The following CSMD1 variants were observed in gnomAD, a reference collection of about 807,000 sequenced individuals.
CSMD1 encodes the protein CUB and sushi domain-containing protein 1.
A neutral mutation model predicts 417.5 loss-of-function variants in CSMD1; 213 were observed. The observed-to-expected ratio is 0.51, with a 90% CI of 0.46 to 0.57. The LOEUF (loss-of-function observed/expected upper bound fraction) is 0.57, where lower values mean the gene tolerates loss of function less well. CSMD1 is among the 20% of genes least tolerant of loss of function. The pLI, the probability that CSMD1 is intolerant of heterozygous loss-of-function variation, is 0.00. For synonymous variants in CSMD1, 2,862 were observed against 1,736.8 expected (o/e 1.65, Z -16.11); for missense variants, 6,923 against 4,529.7 (o/e 1.53, Z -15.17).
At position 3,546,878 on chromosome 8, in the gene CSMD1, C is replaced by G. The variant is rs183209660; in HGVS notation, c.1344+28067G>C. Among the ~76,000 whole-genome samples, 4 of 152,260 alleles carry G rather than the reference C, an allele frequency of 2.6e-5. No individual in the cohort carries two copies. The East Asian group carries it at 7.7e-4, about 29-fold the overall frequency. On this transcript the variant is annotated intron_variant, in intron 10 of 69. Coordinates refer to ENST00000635120, the MANE Select transcript of CSMD1 (RefSeq NM_033225.6). ...GTGAAATATTGGAAAAACGATGTTG[C>G]AAGGGAAACTGTGAAAATGTTTCCA...
intron 2 of CSMD1, among the ~76,000 whole-genome samples, chr8:4,621,701 G>C (rs1444839948): frequency 2.6e-5 from 4 of 151,900 alleles, no homozygotes; most frequent in Non-Finnish European, 4.4e-5. Context: ...CTCCTGTACA[G>C]TGAAATCTTA....
At chr8:4,185,943 G>C (rs868099751) in intron 3 of CSMD1, among the ~76,000 whole-genome samples, 1 of 152,130 alleles carries the variant, frequency 6.6e-6, no homozygotes. Flanking sequence ...AATACTTTCA[G>C]CTTAAGGTCT....
At chr8:3,129,287 A>C (rs1025921111) in intron 41 of CSMD1, among the ~76,000 whole-genome samples, 1 of 152,194 alleles carries the variant, frequency 6.6e-6, no homozygotes, top group African/African-American at 2.4e-5. Flanking sequence ...GTAAATATTA[A>C]ATATTTTGTG....
At chr8:3,715,868 C>T (rs549306592) in intron 6 of CSMD1, among the ~76,000 whole-genome samples, 3 of 152,144 alleles carry the variant, frequency 2.0e-5, no homozygotes, top group African/African-American at 2.4e-5. Context: ...AAAAGGCACA[C>T]GGCCTGCAGA....
At chr8:4,105,420 C>T (rs1315116305) in intron 3 of CSMD1, among the ~76,000 whole-genome samples, 1 of 151,990 alleles carries the variant, frequency 6.6e-6, no homozygotes, top group South Asian at 2.1e-4. Context: ...TAGGAAAGAG[C>T]ATGGACACTG....
intron 1 of CSMD1, among the ~76,000 whole-genome samples, chr8:4,848,690 C>T (rs1801290298): frequency 1.3e-5 from 2 of 152,088 alleles, no homozygotes; most frequent in African/African-American, 2.4e-5. Flanking sequence ...CAGGCACCCA[C>T]CACCACACCC....
At chr8:3,249,821 G>A (rs189710375) in intron 26 of CSMD1, among the ~76,000 whole-genome samples, 1 of 152,110 alleles carries the variant, frequency 6.6e-6, no homozygotes, top group Non-Finnish European at 1.5e-5. Flanking sequence ...TTGCAATTTA[G>A]TGATGTTTAT....
chr8:4,318,130 A>G (rs1233737848), intron 3 of CSMD1, among the ~76,000 whole-genome samples: 3 of 152,156 alleles, frequency 2.0e-5, no homozygotes, highest in African/African-American at 7.2e-5. Context: ...TTATGCAACT[A>G]CATTGTTATT....
At chr8:4,020,104 T>A (rs928129590) in intron 4 of CSMD1, among the ~76,000 whole-genome samples, 1 of 152,162 alleles carries the variant, frequency 6.6e-6, no homozygotes, top group South Asian at 2.1e-4. Context: ...TTTTAGAGTT[T>A]CTCTATGTGT....
intron 3 of CSMD1, among the ~76,000 whole-genome samples, chr8:4,276,542 G>A (rs115147480): frequency 0.022 from 3,408 of 152,114 alleles, 138 homozygotes; most frequent in African/African-American, 0.077. Context: ...GTTTAACTAC[G>A]TAACAAACCT....
rs1800864783 is a variant in CSMD1, at chr8:4,841,930, A to AAAAACAAAAC, written c.85+152401_85+152402insGTTTTGTTTT. Among the ~76,000 whole-genome samples the AAAAACAAAAC allele has an allele frequency of 6.4e-4, 78 of 122,484 alleles. 1 individual carries two copies. Among genetic ancestry groups the AAAAACAAAAC allele is most frequent in the East Asian group, 3.1e-3 (11 of 3,578 alleles). 80.4% of individuals were successfully genotyped at this position (122,484 alleles called of 152,430 possible). Reference sequence around the variant, plus strand: ...CCGTCTCAAAAAAAAAAAAAAAAAAAAAAAAAAAGTTCAGAACAATGGATA... The same window carrying AAAAACAAAAC: ...CCGTCTCAAAAAAAAAAAAAAAAAAAAAAACAAAACAAAAAAAAGTTCAGAACAATGGATA... On this transcript the variant is annotated intron_variant, in intron 1 of 69. Transcript: ENST00000635120.
At chr8:4,955,188 C>A (rs6558948) in intron 1 of CSMD1, among the ~76,000 whole-genome samples, 134,527 of 152,150 alleles carry the variant, frequency 0.88, 59,603 homozygotes, top group Admixed American at 0.91. Flanking sequence ...GGGCTGTTCC[C>A]GTTGGCTTCT....
intron 8 of CSMD1, 108 bp downstream of exon 8, chr8:3,616,602 G>C (rs1007952646): frequency 1.1e-5 from 8 of 718,488 alleles, no homozygotes; most frequent in South Asian, 1.8e-5. Context: ...TGATTAAGAA[G>C]TTTTATCTTT....
intron 3 of CSMD1, among the ~76,000 whole-genome samples, chr8:4,233,774 C>T (rs1354995323): frequency 6.6e-6 from 1 of 152,088 alleles, no homozygotes; most frequent in Non-Finnish European, 1.5e-5. Flanking sequence ...CAAATAATAT[C>T]TGAGAAGAAG....
chr8:4,580,657 C>T (rs539598129), intron 2 of CSMD1, among the ~76,000 whole-genome samples: 2 of 152,222 alleles, frequency 1.3e-5, no homozygotes, highest in Admixed American at 1.3e-4. Context: ...TCTCTTCTAC[C>T]CTGGCTGAGC....
intron 1 of CSMD1, among the ~76,000 whole-genome samples, chr8:4,850,293 A>G (rs1046921700): frequency 6.8e-6 from 1 of 146,490 alleles, no homozygotes; most frequent in African/African-American, 2.6e-5. Flanking sequence ...ATCCCCAAAC[A>G]TTTTCTCCCA....
Position 3,214,538 on chromosome 8 carries a change from T to G in CSMD1, c.4826A>C (p.Asp1609Ala). 1 of 1,600,130 alleles carries G rather than the reference T, an allele frequency of 6.2e-7. No homozygotes were observed. Among genetic ancestry groups the G allele is most frequent in the Non-Finnish European group, 8.5e-7 (1 of 1,173,184 alleles). The stretch of plus-strand genomic sequence containing the variant: ...CACTTGGTCCCAGGAGGGTTTCCCA[T>G]CAGCCCCAATCACACAGGTGATGGA... The part of the protein sequence containing the change: ...PSSITCVIGA[D>A]GKPSWDQVLP... The change falls in exon 30 of 70, where the codon GAT (aspartate) becomes GCT (alanine). Residue 1609 changes from aspartate (D) to alanine (A), a missense_variant. Transcript: ENST00000635120.
Position 3,087,148 on chromosome 8 carries a change from G to A in CSMD1, c.7423C>T (p.Arg2475Ter). Reference protein sequence around the residue: ...MVGHSNATCRRNPLGMYQWDS... With the variant: ...MVGHSNATCR ...CACTGGTACATGCCAAGTGGGTTTC[G>A]TCTACAGGTTGCATTGCTGTGGCCG... The change falls in exon 49 of 70, where the codon CGA becomes TGA. Residue 2475 changes from arginine (R) to a stop codon, truncating the protein, a stop_gained. Coordinates refer to ENST00000635120, the MANE Select transcript of CSMD1 (RefSeq NM_033225.6). LOFTEE classifies it high-confidence loss of function. 2 of 1,613,810 alleles carry A rather than the reference G, an allele frequency of 1.2e-6. No homozygotes were observed. The highest frequency in any genetic ancestry group is 1.7e-6 in the Non-Finnish European group (2 of 1,179,888).
intron 3 of CSMD1, among the ~76,000 whole-genome samples, chr8:4,257,400 A>G (rs1803537797): frequency 6.6e-6 from 1 of 150,842 alleles, no homozygotes; most frequent in African/African-American, 2.5e-5. Context: ...TCTTCATCTC[A>G]TGTATAATCA....
Sources: allele counts gnomAD v4.1 joint callset (sites outside exome capture counted in the v4.1 genomes callset), GRCh38; gene constraint gnomAD v4.1.1; transcripts MANE v1.5; gene names NCBI Gene and HGNC (gene_info 2026-07-23, HGNC 2026-07-21).